DPP3: variants seen among roughly 807,000 people sequenced by gnomAD.
The protein encoded by DPP3 is dipeptidyl peptidase 3.
DPP3 carries 64 observed loss-of-function variants against 89.8 expected under a neutral mutation model. The observed-to-expected ratio is 0.71, with a 90% CI of 0.58 to 0.88. The LOEUF (loss-of-function observed/expected upper bound fraction) is 0.88. DPP3 is among the 40% of genes least tolerant of loss of function. The probability of loss-of-function intolerance (pLI) is 0.00; values close to 1 mark genes in which losing one functional copy is unlikely to be tolerated. For missense variants in DPP3, 835 were observed against 972.5 expected (o/e 0.86, Z 1.88); for synonymous variants, 377 against 404.3 (o/e 0.93, Z 0.81).
Position 66,493,557 on chromosome 11 carries a change from G to A in DPP3, c.1313G>A (p.Trp438Ter). ...TCTTGGCAGGACCTGTACATCCTCT[G>A]GAAGGGGCCCTCCTTCGATGTGCAG... Reference protein sequence around the residue: ...EEDDKDLYILWKGPSFDVQVG... With the variant: ...EEDDKDLYIL The change falls in exon 12 of 18, where the codon TGG (tryptophan) becomes TAG (stop). Residue 438 changes from tryptophan (W) to a stop codon, truncating the protein, a stop_gained. Coordinates refer to ENST00000531863, the MANE Select transcript of DPP3 (RefSeq NM_130443.4). LOFTEE classifies it high-confidence loss of function. 1 of 1,613,248 alleles carries A rather than the reference G, an allele frequency of 6.2e-7. No homozygotes were observed. The highest frequency in any genetic ancestry group is 8.5e-7 in the Non-Finnish European group (1 of 1,179,924).
chr11:66,501,532 G>A lies in DPP3; in HGVS notation c.1879-3080G>A, dbSNP rs1188547105. ...GAAAAAGAAAATCACAATATATACA[G>A]TTCAAAAACCGGCCGGGCACAGTGG... On this transcript the variant is annotated intron_variant, in intron 16 of 17. Transcript: ENST00000531863. Among the ~76,000 whole-genome samples the A allele has an allele frequency of 8.6e-5, 13 of 151,744 alleles. 1 individual carries two copies. The highest frequency in any genetic ancestry group is 9.7e-5 in the African/African-American group (4 of 41,344).
intron 17 of DPP3, 135 bp from the exon 18 acceptor site, chr11:66,508,944 G>T: frequency 3.6e-6 from 4 of 1,116,170 alleles, no homozygotes; most frequent in Admixed American, 2.2e-5. Flanking sequence ...AACCTAAAAC[G>T]TAGAGCACAG....
Position 66,509,279 on chromosome 11 carries a change from C to G in DPP3, c.*28C>G. 1.9e-6 allele frequency: 3 copies of G among 1,583,414 alleles called. No homozygotes were observed. Among genetic ancestry groups the G allele is most frequent in the Non-Finnish European group, 2.6e-6 (3 of 1,163,792 alleles). ...AAGATGTGTGGCCTTGCCCCCAATT[C>G]CATCAGACCAAGGCTGCAAGTGGCC... On this transcript the variant is annotated 3_prime_UTR_variant, in exon 18 of 18. Coordinates refer to ENST00000531863, the MANE Select transcript of DPP3 (RefSeq NM_130443.4).
intron 5 of DPP3, 92 bp downstream of exon 5, chr11:66,487,434 C>G: frequency 7.7e-7 from 1 of 1,307,070 alleles, no homozygotes; most frequent in South Asian, 1.2e-5. Context: ...TGGGTCTCTG[C>G]TTGACTACTC....
At chr11:66,493,428 C>T (rs1357169631) in intron 11 of DPP3, 113 bp from the exon 12 acceptor site, 2 of 1,155,948 alleles carry the variant, frequency 1.7e-6, no homozygotes, top group East Asian at 5.0e-5. Flanking sequence ...CACAGTTGGC[C>T]TTTACCAAGC....
intron 9 of DPP3, chr11:66,492,498 C>A (rs1001707450): frequency 1.9e-6 from 1 of 519,626 alleles, no homozygotes; most frequent in South Asian, 3.2e-5. Flanking sequence ...GGGCAGGCGG[C>A]CCAGGGGCCT....
Position 66,487,833 on chromosome 11 carries a change from T to A in DPP3, c.574-81T>A, listed in dbSNP as rs1183627935. On this transcript the variant is annotated intron_variant, in intron 5 of 17. Transcript: ENST00000531863. ...TGCTTTGCCTCCATGCCTTCTCCCC[T>A]AGGGTTGACCCATTTTCCTTCCTCC... 2.2e-6 allele frequency: 3 copies of A among 1,342,950 alleles called. No homozygotes were observed. In the East Asian group the frequency reaches 7.0e-5, roughly 31 times the overall value. The allele number at this position is 1,342,950 out of a possible 1,614,324, so 83.2% of individuals were successfully genotyped here. A position where few individuals can be genotyped will look rare whatever the true frequency, so the allele number is the denominator to read the frequency against.
At chr11:66,509,039 C>A in intron 17 of DPP3, 40 bp from the exon 18 acceptor site, 1 of 1,606,698 alleles carries the variant, frequency 6.2e-7, no homozygotes, top group South Asian at 1.1e-5. Context: ...TTTCCCTATT[C>A]AGACCTTTCC....
rs141613350 is a variant in DPP3, at chr11:66,497,388, G to T, written c.1789G>T (p.Gly597Trp). The T allele has an allele frequency of 7.4e-6, 12 of 1,614,000 alleles. No homozygotes were observed. The South Asian group carries it at 1.3e-4, about 18-fold the overall frequency. ...VTITPTTGSDGRPDARVRLDR... is the reference protein window; with the variant it reads ...VTITPTTGSDWRPDARVRLDR... ...CATCACTCCCACCACAGGCTCCGAT[G>T]GGCGCCCAGATGCCCGGGTCCGCCT... The change falls in exon 16 of 18, where the codon GGG (glycine) becomes TGG (tryptophan). Residue 597 changes from glycine (G) to tryptophan (W), a missense_variant. Coordinates refer to ENST00000531863, the MANE Select transcript of DPP3 (RefSeq NM_130443.4).
intron 15 of DPP3, among the ~76,000 whole-genome samples, chr11:66,495,983 C>T (rs967223593): frequency 6.6e-6 from 1 of 152,198 alleles, no homozygotes; most frequent in South Asian, 2.1e-4. Flanking sequence ...GATGAGGTGA[C>T]TTTATTAGGA....
intron 12 of DPP3, among the ~76,000 whole-genome samples, chr11:66,494,437 G>A (rs745631504): frequency 2.0e-4 from 30 of 152,222 alleles, no homozygotes; most frequent in African/African-American, 9.6e-5. Flanking sequence ...CTGGCGAAAC[G>A]CCTTGTCCAG....
At chr11:66,503,939 C>T (rs1345190635) in intron 16 of DPP3, among the ~76,000 whole-genome samples, 1 of 151,794 alleles carries the variant, frequency 6.6e-6, no homozygotes, top group African/African-American at 2.4e-5. Context: ...TGGGGGAGTC[C>T]AAGATCAAGG....
Position 66,504,763 on chromosome 11 carries a change from C to G in DPP3, c.2030C>G (p.Thr677Ser). The stretch of plus-strand genomic sequence containing the variant: ...CGGAAGCTCATTGTTCAGCCCAACA[C>G]TCGCCTTGAAGGTAATGAGGTAATG... ...ESRKLIVQPNTRLEGSDVQLL... is the reference protein window; with the variant it reads ...ESRKLIVQPNSRLEGSDVQLL... Residue 677 changes from threonine (T) to serine (S), a missense_variant, in exon 17 of 18, where the codon ACT becomes AGT. Thr to Ser is a moderately conservative substitution (Grantham distance 58). Coordinates refer to ENST00000531863, the MANE Select transcript of DPP3 (RefSeq NM_130443.4). 6.2e-7 allele frequency: 1 copy of G among 1,611,490 alleles called. No individual in the cohort carries two copies. Among genetic ancestry groups the G allele is most frequent in the Non-Finnish European group, 8.5e-7 (1 of 1,178,966 alleles).
chr11:66,488,968 C>T (rs1305095476), intron 6 of DPP3, among the ~76,000 whole-genome samples: 2 of 152,204 alleles, frequency 1.3e-5, no homozygotes, highest in Non-Finnish European at 2.9e-5. Context: ...CGGGTTCAAG[C>T]AATTCTCCTG....
At position 66,497,292 on chromosome 11, in the gene DPP3, C is replaced by G; in HGVS notation, c.1699-6C>G. ...TACAAATGCTGTCTTTCCCCTGCTC[C>G]GGCAGGCCCATATGCAGGCCCGGTT... On this transcript the variant is annotated splice_region_variant and splice_polypyrimidine_tract_variant and intron_variant, in intron 15 of 17. Coordinates refer to ENST00000531863, the MANE Select transcript of DPP3 (RefSeq NM_130443.4). 1 of 1,612,434 alleles carries G rather than the reference C, an allele frequency of 6.2e-7. No individual in the cohort carries two copies. Among genetic ancestry groups the G allele is most frequent in the Non-Finnish European group, 8.5e-7 (1 of 1,179,402 alleles).
chr11:66,499,411 G>A (rs937723987), intron 16 of DPP3, among the ~76,000 whole-genome samples: 11 of 152,010 alleles, frequency 7.2e-5, no homozygotes, highest in African/African-American at 1.9e-4. Flanking sequence ...TAACACATAT[G>A]GTTAGGCCCC....
chr11:66,496,616 G>A (rs577861353), intron 15 of DPP3, among the ~76,000 whole-genome samples: 280 of 152,134 alleles, frequency 1.8e-3, no homozygotes, highest in African/African-American at 6.0e-3. Context: ...GGGTTTCACC[G>A]TGTTAGCCAG....
At chr11:66,495,138 G>T in intron 12 of DPP3, 68 bp from the exon 13 acceptor site, 1 of 1,611,088 alleles carries the variant, frequency 6.2e-7, no homozygotes, top group South Asian at 1.1e-5. Context: ...TCCGGCCTGT[G>T]GATTCTGGGG....
In DPP3 at chr11:66,504,780, G is replaced by A; in HGVS notation, c.2041+6G>A. The A allele has an allele frequency of 6.2e-7, 1 of 1,606,474 alleles. No individual in the cohort carries two copies. Among genetic ancestry groups the A allele is most frequent in the Non-Finnish European group, 8.5e-7 (1 of 1,176,412 alleles). ...GCCCAACACTCGCCTTGAAGGTAAT[G>A]AGGTAATGAGGGAGCTCTTGAGCTC... On this transcript the variant is annotated splice_donor_region_variant and intron_variant, in intron 17 of 17. Coordinates refer to ENST00000531863, the MANE Select transcript of DPP3 (RefSeq NM_130443.4).
Sources: gnomAD v4.1 joint callset for allele counts (sites outside exome capture counted in the v4.1 genomes callset) on GRCh38, gnomAD v4.1.1 for gene constraint, MANE v1.5 for transcripts, NCBI Gene and HGNC (gene_info 2026-07-23, HGNC 2026-07-21) for gene names.